Variants in LYPLAL1 observed in about 807,000 individuals in gnomAD.
LYPLAL1 encodes lysophospholipase like 1.
Under a neutral mutation model 19.7 loss-of-function variants are expected in LYPLAL1, and 23 were observed. That is an observed-to-expected ratio of 1.17 (90% CI 0.84 to 1.65). The LOEUF (loss-of-function observed/expected upper bound fraction) is 1.65, where lower values mean the gene tolerates loss of function less well. Among genes scored for constraint, LYPLAL1 ranks in the 40% most tolerant of loss-of-function variants. LYPLAL1 has a pLI of 0.00. For missense variants in LYPLAL1, 355 were observed against 279.4 expected (o/e 1.27, Z -1.93); for synonymous variants, 119 against 96.3 (o/e 1.24, Z -1.38).
At chr1:219,341,594 A>T in the LYPLAL1 span, among the ~76,000 whole-genome samples, 3 of 152,094 alleles carry the variant, frequency 2.0e-5, no homozygotes, top group African/African-American at 7.2e-5. Context: ...CATTTATTAT[A>T]CTTCTCTGTC....
the LYPLAL1 span, among the ~76,000 whole-genome samples, chr1:219,334,524 G>GA: frequency 2.2e-5 from 2 of 90,100 alleles, no homozygotes; most frequent in African/African-American, 7.3e-5. Context: ...ATAATGAAGA[G>GA]GGGTGTGTGT....
chr1:219,361,970 C>T, the LYPLAL1 span, among the ~76,000 whole-genome samples: 2 of 152,060 alleles, frequency 1.3e-5, no homozygotes, highest in Non-Finnish European at 2.9e-5. Flanking sequence ...GCTTTGTCCC[C>T]CTGTTTGGGC....
At chr1:219,410,864 C>T in the LYPLAL1 span, among the ~76,000 whole-genome samples, 1 of 152,252 alleles carries the variant, frequency 6.6e-6, no homozygotes, top group African/African-American at 2.4e-5. Context: ...CTCGATTTCT[C>T]GCCGGGCCTT....
chr1:219,321,157 A>G, the LYPLAL1 span, among the ~76,000 whole-genome samples: 37 of 152,130 alleles, frequency 2.4e-4, no homozygotes, highest in South Asian at 6.9e-3. Context: ...ATGGTATCTC[A>G]TTGTGGTTTT....
chr1:219,254,932 C>G, the LYPLAL1 span, among the ~76,000 whole-genome samples: 712 of 152,058 alleles, frequency 4.7e-3, 4 homozygotes, highest in Non-Finnish European at 8.3e-3. Flanking sequence ...TTTACATAAT[C>G]CCATAGTTGT....
Position 219,174,829 on chromosome 1 carries a change from C to G in LYPLAL1, c.91+848C>G, listed in dbSNP as rs1225492238. 8 of 875,720 alleles carry G rather than the reference C, an allele frequency of 9.1e-6. No individual in the cohort carries two copies. The African/African-American group carries it at 1.3e-4, about 14-fold the overall frequency. The allele number at this position is 875,720 out of a possible 1,614,324, so 54.2% of individuals were successfully genotyped here. A position where few individuals can be genotyped will look rare whatever the true frequency, so the allele number is the denominator to read the frequency against. On this transcript the variant is annotated intron_variant, in intron 1 of 4. Transcript: ENST00000366928. ...AGATGCAGCCGGTGTCCTCAGGGGG[C>G]CTACCTAAAGTTAAAAACAAAAACA...
chr1:219,173,890 G>C lies in LYPLAL1; in HGVS notation c.-1G>C, dbSNP rs375703271. ...CCGCATGACTGGCAGTGGCATCAGC[G>C]ATGGCGGCTGCGTCGGGGTCGGTTC... On this transcript the variant is annotated 5_prime_UTR_variant, in exon 1 of 5. Transcript: ENST00000366928. The C allele has an allele frequency of 3.2e-5, 51 of 1,612,210 alleles. No homozygotes were observed. Among genetic ancestry groups the C allele is most frequent in the Middle Eastern group, 1.7e-4 (1 of 6,060 alleles).
intron 3 of LYPLAL1, among the ~76,000 whole-genome samples, chr1:219,196,153 T>A (rs1162023991): frequency 6.6e-6 from 1 of 152,180 alleles, no homozygotes; most frequent in Non-Finnish European, 1.5e-5. Context: ...GCATGTATCT[T>A]TATAATAGAA....
the LYPLAL1 span, among the ~76,000 whole-genome samples, chr1:219,376,521 AG>A: frequency 6.6e-6 from 1 of 152,372 alleles, no homozygotes; most frequent in South Asian, 2.1e-4. Flanking sequence ...TACTATCAAC[AG>A]AGTGAAAAGA....
the LYPLAL1 span, among the ~76,000 whole-genome samples, chr1:219,226,063 A>G: frequency 6.6e-6 from 1 of 152,152 alleles, no homozygotes; most frequent in Non-Finnish European, 1.5e-5. Context: ...GTTGTCACTC[A>G]TGTTCTCTGT....
chr1:219,439,968 TATATAC>T, the LYPLAL1 span, among the ~76,000 whole-genome samples: 1 of 123,664 alleles, frequency 8.1e-6, no homozygotes, highest in African/African-American at 3.7e-5. Context: ...ACTATATATA[TATATAC>T]ATATATATAT....
At chr1:219,370,242 T>C in the LYPLAL1 span, among the ~76,000 whole-genome samples, 1 of 152,136 alleles carries the variant, frequency 6.6e-6, no homozygotes. Context: ...ATCTCCCACC[T>C]CTCCATTTAT....
the LYPLAL1 span, among the ~76,000 whole-genome samples, chr1:219,400,229 A>G: frequency 2.0e-5 from 3 of 151,962 alleles, no homozygotes; most frequent in African/African-American, 7.2e-5. Context: ...GGAGTGCACC[A>G]GTTGTCTCAG....
At chr1:219,422,837 A>G in the LYPLAL1 span, among the ~76,000 whole-genome samples, 1 of 152,202 alleles carries the variant, frequency 6.6e-6, no homozygotes, top group African/African-American at 2.4e-5. Flanking sequence ...TTACAGACCT[A>G]TGAAAATTCT....
At position 219,210,780 on chromosome 1, in the gene LYPLAL1, G is replaced by A. The variant is rs1176574367; in HGVS notation, c.477+133G>A. On this transcript the variant is annotated intron_variant, in intron 4 of 4. Coordinates refer to ENST00000366928, the MANE Select transcript of LYPLAL1 (RefSeq NM_138794.5). ...AGTTGATATGGATTGACCATTCCTG[G>A]AATTCATGGCCAAATGAGTCGTAGT... The A allele has an allele frequency of 7.9e-6, 6 of 756,870 alleles. No homozygotes were observed. In the Admixed American group the frequency reaches 1.9e-4, roughly 24 times the overall value. The allele number at this position is 756,870 out of a possible 1,614,324, so 46.9% of individuals were successfully genotyped here. A position where few individuals can be genotyped will look rare whatever the true frequency, so the allele number is the denominator to read the frequency against.
chr1:219,268,872 G>A, the LYPLAL1 span, among the ~76,000 whole-genome samples: 4 of 152,206 alleles, frequency 2.6e-5, no homozygotes, highest in East Asian at 1.9e-4. Context: ...AAGGCTTTCT[G>A]GGATTTATAA....
chr1:219,421,153 G>C, the LYPLAL1 span, among the ~76,000 whole-genome samples: 1 of 152,194 alleles, frequency 6.6e-6, no homozygotes, highest in Non-Finnish European at 1.5e-5. Flanking sequence ...TTGGTGAACT[G>C]AGTGTAACCT....
the LYPLAL1 span, chr1:219,272,734 C>T: frequency 6.6e-6 from 1 of 151,490 alleles, no homozygotes; most frequent in Non-Finnish European, 1.5e-5. Context: ...CGAGATGGCA[C>T]CATTCATTTC....
chr1:219,385,852 T>C, the LYPLAL1 span, among the ~76,000 whole-genome samples: 1 of 152,190 alleles, frequency 6.6e-6, no homozygotes, highest in Admixed American at 6.5e-5. Context: ...GAGAGAAATA[T>C]AATTGCTTCA....
Sources: allele counts gnomAD v4.1 joint callset (sites outside exome capture counted in the v4.1 genomes callset), GRCh38; gene constraint gnomAD v4.1.1; transcripts MANE v1.5; gene names NCBI Gene and HGNC (gene_info 2026-07-23, HGNC 2026-07-21).